GPR155: variants seen among roughly 807,000 people sequenced by gnomAD.
The protein encoded by GPR155 is G protein-coupled receptor 155.
GPR155 carries 65 observed loss-of-function variants against 93.1 expected under a neutral mutation model. That is an observed-to-expected ratio of 0.70 (90% confidence interval 0.57 to 0.86). The LOEUF is 0.86. Among genes scored for constraint, GPR155 ranks in the 40% least tolerant of loss-of-function variants. The pLI is 0.00. For synonymous variants in GPR155, 319 were observed against 360.1 expected, an observed-to-expected ratio of 0.89 and a Z score of 1.29; for missense variants, 838 against 1,034.8, an observed-to-expected ratio of 0.81 and a Z score of 2.61.
Position 174,470,377 on chromosome 2 carries a change from A to G in GPR155, c.1026+13T>C, listed in dbSNP as rs377221923. 2 of 1,602,396 alleles carry G rather than the reference A, an allele frequency of 1.2e-6. No individual in the cohort carries two copies. Among genetic ancestry groups the G allele is most frequent in the Non-Finnish European group, 1.7e-6 (2 of 1,170,758 alleles). The stretch of plus-strand genomic sequence containing the variant: ...AAACACACCATCAAACTTAGAAAGT[A>G]CTATATACATACAATTTCTACTTCC... On this transcript the variant is annotated intron_variant, in intron 4 of 15. Transcript: ENST00000392552.
intron 11 of GPR155, among the ~76,000 whole-genome samples, chr2:174,447,499 ATATT>A (rs919301847): frequency 2.1e-5 from 3 of 146,146 alleles, no homozygotes; most frequent in African/African-American, 7.4e-5. Context: ...ATATCAGTAT[ATATT>A]ATAATCATAT....
At position 174,460,102 on chromosome 2, in the gene GPR155, A is replaced by C; in HGVS notation, c.1561-14T>G. The C allele has an allele frequency of 6.2e-7, 1 of 1,603,178 alleles. No individual in the cohort carries two copies. Reference sequence around the variant, plus strand: ...TGTGGTGATCATCTGCCGACATGAAAAAAAGATATCAGGCCACTTTTCACA... The same window carrying C: ...TGTGGTGATCATCTGCCGACATGAACAAAAGATATCAGGCCACTTTTCACA... On this transcript the variant is annotated splice_polypyrimidine_tract_variant and intron_variant, in intron 9 of 15. Coordinates refer to ENST00000392552, the MANE Select transcript of GPR155 (RefSeq NM_152529.7).
chr2:174,451,857 G>A (rs1294575071), intron 11 of GPR155, among the ~76,000 whole-genome samples: 1 of 151,984 alleles, frequency 6.6e-6, no homozygotes, highest in African/African-American at 2.4e-5. Flanking sequence ...ATGTTGCCCA[G>A]GCTGGTCTTG....
At position 174,473,087 on chromosome 2, in the gene GPR155, A is replaced by G. The variant is rs1196573088; in HGVS notation, c.738T>C (p.Asp246=). 6.2e-7 allele frequency: 1 copy of G among 1,601,464 alleles called. No homozygotes were observed. Among genetic ancestry groups the G allele is most frequent in the Non-Finnish European group, 8.5e-7 (1 of 1,177,266 alleles). The change falls in exon 3 of 16, where the codon GAT becomes GAC. Residue 246 remains aspartate, a synonymous_variant. Coordinates refer to ENST00000392552, the MANE Select transcript of GPR155 (RefSeq NM_152529.7). ...ATCCAGAAAAAGAATTTCCAAGTCC[A>G]TCAAGAAAATTTTCGACATATACAG... ...KVPVYVENFL[D]GLGNSFSGSA...
intron 9 of GPR155, 133 bp downstream of exon 9, chr2:174,461,269 T>C (rs1687684508): frequency 7.9e-6 from 5 of 629,282 alleles, no homozygotes; most frequent in South Asian, 4.1e-5. Flanking sequence ...CAAAGTGATA[T>C]AGGATCACCA....
chr2:174,459,819 G>A (rs571126336), intron 10 of GPR155, 59 bp downstream of exon 10: 9 of 1,298,478 alleles, frequency 6.9e-6, no homozygotes, highest in South Asian at 3.8e-5. Flanking sequence ...CACTCCAGCC[G>A]GGATGATAGA....
intron 2 of GPR155, among the ~76,000 whole-genome samples, chr2:174,480,092 A>G (rs1688276488): frequency 6.6e-6 from 1 of 152,220 alleles, no homozygotes; most frequent in Admixed American, 6.5e-5. Flanking sequence ...GGGAAAGGAT[A>G]AAACTGCTAG....
At chr2:174,463,916 G>C (rs1324575943) in intron 7 of GPR155, among the ~76,000 whole-genome samples, 1 of 152,158 alleles carries the variant, frequency 6.6e-6, no homozygotes, top group Non-Finnish European at 1.5e-5. Context: ...TTGAGAATTG[G>C]TTTTCTTTAC....
chr2:174,454,908 A>G (rs1687467240), intron 10 of GPR155, among the ~76,000 whole-genome samples: 1 of 151,742 alleles, frequency 6.6e-6, no homozygotes, highest in African/African-American at 2.4e-5. Context: ...AAGGATGAGT[A>G]GTGGGTACCG....
chr2:174,469,204 T>G (rs1187640354), intron 4 of GPR155, 137 bp from the exon 5 acceptor site: 1 of 656,198 alleles, frequency 1.5e-6, no homozygotes, highest in African/African-American at 1.8e-5. Context: ...CAGCATGTTA[T>G]CCAATACCAT....
At chr2:174,483,592 CT>C (rs1013058091) in intron 1 of GPR155, among the ~76,000 whole-genome samples, 2 of 150,726 alleles carry the variant, frequency 1.3e-5, no homozygotes, top group South Asian at 2.1e-4. Flanking sequence ...ATTTCTTTTT[CT>C]TTTTTTTTCA....
rs1200018234 is a variant in GPR155 at position 174,469,104 on chromosome 2, CAATT to C, written c.1027-41_1027-38del. The C allele has an allele frequency of 1.9e-6, 3 of 1,585,552 alleles. No individual in the cohort carries two copies. In the Admixed American group the frequency reaches 5.1e-5, roughly 27 times the overall value. ...AAATCAAACAGAGGAGTTACAATCT[CAATT>C]AAACAGTATTTTAAACTTTAAATAA... On this transcript the variant is annotated intron_variant, in intron 4 of 15. Transcript: ENST00000392552.
chr2:174,468,025 G>A (rs538991251), intron 5 of GPR155, among the ~76,000 whole-genome samples: 5 of 152,164 alleles, frequency 3.3e-5, no homozygotes, highest in South Asian at 4.2e-4. Context: ...CATGAGCCAC[G>A]GTGCCAGATC....
chr2:174,474,013 G>A (rs1688074124), intron 2 of GPR155, among the ~76,000 whole-genome samples: 1 of 152,228 alleles, frequency 6.6e-6, no homozygotes, highest in South Asian at 2.1e-4. Flanking sequence ...ATGGGACTTA[G>A]TGGCTGAAAT....
chr2:174,450,455 C>T lies in GPR155; in HGVS notation c.1876+3282G>A, dbSNP rs75602362. 7.5e-3 allele frequency among the ~76,000 whole-genome samples: 1,141 copies of T among 152,188 alleles called. 17 individuals carry two copies. The highest frequency in any genetic ancestry group is 0.026 in the African/African-American group (1,082 of 41,524). On this transcript the variant is annotated intron_variant, in intron 11 of 15. Transcript: ENST00000392552. ...TATACCCAGGTAGCAAAACTGCACA[C>T]GTACCCACTGAATCTAAAGTAAAAG...
intron 11 of GPR155, among the ~76,000 whole-genome samples, chr2:174,450,748 C>A (rs1221232440): frequency 1.3e-5 from 2 of 152,122 alleles, no homozygotes; most frequent in Non-Finnish European, 2.9e-5. Context: ...TGATTAAAAA[C>A]CACAATTCTA....
intron 11 of GPR155, among the ~76,000 whole-genome samples, chr2:174,451,703 A>G (rs1687325775): frequency 6.6e-6 from 1 of 152,160 alleles, no homozygotes; most frequent in African/African-American, 2.4e-5. Flanking sequence ...TCTGTTGCTC[A>G]GACATGATCA....
intron 2 of GPR155, among the ~76,000 whole-genome samples, chr2:174,481,251 C>G (rs576477629): frequency 6.6e-6 from 1 of 151,596 alleles, no homozygotes; most frequent in Non-Finnish European, 1.5e-5. Flanking sequence ...ATGTGCTTAC[C>G]GGGAAGAAAA....
intron 15 of GPR155, among the ~76,000 whole-genome samples, chr2:174,439,256 TTTCTC>T (rs1428837746): frequency 1.3e-5 from 2 of 152,198 alleles, no homozygotes; most frequent in Non-Finnish European, 2.9e-5. Context: ...TTTGTTTTGT[TTTCTC>T]TTTTATGACA....
Sources: gnomAD v4.1 joint callset for allele counts (sites outside exome capture counted in the v4.1 genomes callset) on GRCh38, gnomAD v4.1.1 for gene constraint, MANE v1.5 for transcripts, NCBI Gene and HGNC (gene_info 2026-07-23, HGNC 2026-07-21) for gene names.